HEXD: variants seen among roughly 807,000 people sequenced by gnomAD.
The protein encoded by HEXD is N-acetyl-beta-galactosaminidase.
In HEXD, 47 loss-of-function variants were observed where a neutral mutation model predicts 54.2. The ratio of observed to expected loss-of-function variants is 0.87; its 90% CI spans 0.69 to 1.11. HEXD has a LOEUF of 1.11. HEXD is among the 50% of genes least tolerant of loss of function. The pLI is 0.00. For missense variants in HEXD, 576 were observed against 649.2 expected (o/e 0.89, Z 1.23); for synonymous variants, 293 against 287.6 (o/e 1.02, Z -0.19).
intron 8 of HEXD, among the ~76,000 whole-genome samples, chr17:82,438,361 C>A (rs2053833310): frequency 6.6e-6 from 1 of 152,144 alleles, no homozygotes; most frequent in Admixed American, 6.5e-5. Context: ...GTGGGGATGC[C>A]AGGACTGTCG....
intron 9 of HEXD, chr17:82,440,497 G>A (rs938451173): frequency 1.6e-5 from 6 of 384,216 alleles, no homozygotes; most frequent in African/African-American, 1.1e-4. Context: ...GGCCCCATCC[G>A]CCACCCGTGA....
chr17:82,437,321 C>A lies in HEXD; in HGVS notation c.857C>A (p.Pro286His). 1 of 1,610,790 alleles carries A rather than the reference C, an allele frequency of 6.2e-7. No homozygotes were observed. Among genetic ancestry groups the A allele is most frequent in the Non-Finnish European group, 8.5e-7 (1 of 1,178,962 alleles). ...TGGCTGCAGGTGGCGGGCAGCGGGCCCACGGACTCACTGCAGGGCATCATC... is the reference window on the plus strand; with the variant it reads ...TGGCTGCAGGTGGCGGGCAGCGGGCACACGGACTCACTGCAGGGCATCATC... ...VQWLQVAGSG[P>H]TDSLQGIILT... The change falls in exon 8 of 13, where the codon CCC (proline) becomes CAC (histidine). Residue 286 changes from proline to histidine, a missense_variant. Transcript: ENST00000327949.
chr17:82,420,656 C>G (rs1440667090), intron 2 of HEXD, among the ~76,000 whole-genome samples: 3 of 152,228 alleles, frequency 2.0e-5, no homozygotes, highest in African/African-American at 7.2e-5. Context: ...CAACCTCCAC[C>G]TCCCGGGTTC....
At chr17:82,435,540 T>C (rs1243953153) in intron 5 of HEXD, 149 bp from the exon 6 acceptor site, 1 of 677,642 alleles carries the variant, frequency 1.5e-6, no homozygotes, top group African/African-American at 1.8e-5. Context: ...AGGGACACGC[T>C]GGGGGTGGTA....
chr17:82,442,080 T>C lies in HEXD; in HGVS notation c.1254-97T>C. ...GATGAGGTAGGGTCAGTAGCCCCAT[T>C]TCACAGGTGAACTGAGGCACAGGGC... On this transcript the variant is annotated intron_variant, in intron 12 of 12. Transcript: ENST00000327949. This position sits in a 1 kb window ranked among gnomAD's most constrained non-coding sequence, Gnocchi z 6.8. 6.8e-7 allele frequency: 1 copy of C among 1,462,744 alleles called. No homozygotes were observed. The allele number at this position is 1,462,744 out of a possible 1,614,324, so 90.6% of individuals were successfully genotyped here. A position where few individuals can be genotyped will look rare whatever the true frequency, so the allele number is the denominator to read the frequency against.
intron 3 of HEXD, 92 bp downstream of exon 3, chr17:82,424,595 G>A (rs1449049738): frequency 5.1e-5 from 41 of 811,608 alleles, no homozygotes; most frequent in East Asian, 3.0e-4. Context: ...CTGGAGGTGC[G>A]GGTGGCACAG....
rs941229930 is a variant in HEXD at position 82,434,508 on chromosome 17, T to C, written c.447+686T>C. ...TTCCTTTTTTTGAAGGAAACCTGAG[T>C]ATGTAAAATACACTTAAGCTTTACC... is the stretch of plus-strand genomic sequence containing the variant. On this transcript the variant is annotated intron_variant, in intron 5 of 12. Coordinates refer to ENST00000327949, the MANE Select transcript of HEXD (RefSeq NM_001330542.2). The surrounding 1 kb of genome is among the most constrained non-coding windows in gnomAD (Gnocchi z 4.5). Among the ~76,000 whole-genome samples, 1 of 152,128 alleles carries C rather than the reference T, an allele frequency of 6.6e-6. No homozygotes were observed. The highest frequency in any genetic ancestry group is 6.5e-5 in the Admixed American group (1 of 15,272).
At chr17:82,439,977 G>A in intron 9 of HEXD, 3 of 1,468,812 alleles carry the variant, frequency 2.0e-6, no homozygotes, top group Non-Finnish European at 2.7e-6. Context: ...TGAATCCGCA[G>A]AAATGCACGC....
chr17:82,431,563 G>A (rs542624132), intron 4 of HEXD, among the ~76,000 whole-genome samples: 3 of 151,588 alleles, frequency 2.0e-5, no homozygotes, highest in Non-Finnish European at 4.4e-5. Flanking sequence ...TACAGCGCCC[G>A]CCACCACACC....
chr17:82,441,855 GT>G lies in HEXD; in HGVS notation c.1220del (p.Val407AlafsTer150). 6.2e-7 allele frequency: 1 copy of G among 1,613,274 alleles called. No individual in the cohort carries two copies. On this transcript the variant is annotated frameshift_variant, in exon 12 of 13. Transcript: ENST00000327949. LOFTEE classifies it low-confidence loss of function (END_TRUNC). The stretch of plus-strand genomic sequence containing the variant: ...CCGCCAGCGGAAGCTCATCCACCCG[GT>G]CATGGTTCAGCACATCCAGCCCGCA... ...YHRQRKLIHP[V>X]MVQHIQPAAL...
intron 2 of HEXD, among the ~76,000 whole-genome samples, chr17:82,423,839 C>A: frequency 6.6e-6 from 1 of 150,706 alleles, no homozygotes; most frequent in Non-Finnish European, 1.5e-5. Flanking sequence ...GAGAGAAAGA[C>A]AAGGAAGTGG....
chr17:82,429,440 C>T (rs1028096158), intron 4 of HEXD, among the ~76,000 whole-genome samples: 1 of 152,016 alleles, frequency 6.6e-6, no homozygotes, highest in Non-Finnish European at 1.5e-5. Context: ...TTACACATGT[C>T]GGTGTTCTGG....
intron 4 of HEXD, among the ~76,000 whole-genome samples, chr17:82,430,052 C>T (rs1415035600): frequency 1.3e-5 from 2 of 152,140 alleles, no homozygotes; most frequent in Non-Finnish European, 2.9e-5. Context: ...TGCTGCTGCT[C>T]CTCCTCCTCT....
chr17:82,435,480 A>C (rs1567892364), intron 5 of HEXD, among the ~76,000 whole-genome samples: 1 of 152,168 alleles, frequency 6.6e-6, no homozygotes, highest in South Asian at 2.1e-4. Context: ...AGCTGCTGTG[A>C]ACATTCACAG....
At chr17:82,436,592 C>T (rs780988670) in intron 6 of HEXD, 75 bp from the exon 7 acceptor site, 14 of 1,267,292 alleles carry the variant, frequency 1.1e-5, no homozygotes, top group Non-Finnish European at 1.4e-5. Flanking sequence ...TCAAGCAAAA[C>T]GAGAACAGGT....
At position 82,433,793 on chromosome 17, in the gene HEXD, G is replaced by C; in HGVS notation, c.418G>C (p.Ala140Pro). The C allele has an allele frequency of 6.2e-7, 1 of 1,612,870 alleles. No individual in the cohort carries two copies. The highest frequency in any genetic ancestry group is 8.5e-7 in the Non-Finnish European group (1 of 1,179,694). The change falls in exon 5 of 13, where the codon GCC becomes CCC. Residue 140 changes from alanine (A) to proline (P), a missense_variant. Coordinates refer to ENST00000327949, the MANE Select transcript of HEXD (RefSeq NM_001330542.2). ...CCAGGTCCTGGAGCTACACCCAGGCGCCCAGCGGCTGCACATCGGGTGTGA... is the reference window on the plus strand; with the variant it reads ...CCAGGTCCTGGAGCTACACCCAGGCCCCCAGCGGCTGCACATCGGGTGTGA... The part of the protein sequence containing the change: ...IDQVLELHPG[A>P]QRLHIGCDEV...
At chr17:82,428,695 G>A (rs781766428) in intron 4 of HEXD, 50 bp downstream of exon 4, 27 of 1,523,370 alleles carry the variant, frequency 1.8e-5, no homozygotes, top group Non-Finnish European at 2.2e-5. Flanking sequence ...GGGTCCAGGG[G>A]CTGCAGGCTG....
Position 82,434,574 on chromosome 17 carries a change from A to G in HEXD, c.447+752A>G, listed in dbSNP as rs978969883. Among the ~76,000 whole-genome samples, 6 of 152,206 alleles carry G rather than the reference A, an allele frequency of 3.9e-5. No individual in the cohort carries two copies. The highest frequency in any genetic ancestry group is 8.8e-5 in the Non-Finnish European group (6 of 68,032). ...AAATATAGGCTGGGTGTGGTGGCTC[A>G]CGCCTGTAATCCCAGCACTTTGGGA... is the stretch of plus-strand genomic sequence containing the variant. On this transcript the variant is annotated intron_variant, in intron 5 of 12. Transcript: ENST00000327949. This position sits in a 1 kb window ranked among gnomAD's most constrained non-coding sequence, Gnocchi z 4.5.
chr17:82,430,985 C>T (rs1447864934), intron 4 of HEXD, among the ~76,000 whole-genome samples: 1 of 151,994 alleles, frequency 6.6e-6, no homozygotes, highest in East Asian at 1.9e-4. Context: ...ATTCTTTCTC[C>T]AGAACCCTTG....
Sources: gnomAD v4.1 joint callset for allele counts (sites outside exome capture counted in the v4.1 genomes callset) on GRCh38, gnomAD v4.1.1 for gene constraint, Gnocchi (gnomAD v3.1) non-coding constraint, MANE v1.5 for transcripts, NCBI Gene and HGNC (gene_info 2026-07-23, HGNC 2026-07-21) for gene names.